The following SV2B variants were observed in gnomAD, a reference collection of about 807,000 sequenced individuals.
SV2B encodes solute carrier family 22 member B2.
Under a neutral mutation model 73.9 loss-of-function variants are expected in SV2B, and 41 were observed. That is an observed-to-expected ratio of 0.56 (90% CI 0.43 to 0.72). SV2B has a LOEUF of 0.72. Among genes scored for constraint, SV2B ranks in the 30% least tolerant of loss-of-function variants. SV2B has a pLI of 0.00. For synonymous variants in SV2B, 314 were observed against 314.2 expected, an observed-to-expected ratio of 1.00 and a Z score of 0.01; for missense variants, 764 against 857.8, an observed-to-expected ratio of 0.89 and a Z score of 1.37.
chr15:91,127,170 A>AGC (rs2042508582), intron 1 of SV2B, among the ~76,000 whole-genome samples: 2 of 152,368 alleles, frequency 1.3e-5, no homozygotes, highest in African/African-American at 4.8e-5. Flanking sequence ...ATGAATGTCA[A>AGC]GCTTCCAGCT....
intron 1 of SV2B, among the ~76,000 whole-genome samples, chr15:91,152,331 C>T (rs1273056681): frequency 2.6e-5 from 4 of 152,156 alleles, no homozygotes; most frequent in Non-Finnish European, 5.9e-5. Context: ...TTTGGAGGAG[C>T]TGGGTGGGAG....
Position 91,249,026 on chromosome 15 carries a change from A to T in SV2B, c.452-2793A>T, listed in dbSNP as rs116914961. On this transcript the variant is annotated intron_variant, in intron 2 of 12. Coordinates refer to ENST00000394232, the MANE Select transcript of SV2B (RefSeq NM_001323032.3). ...CACATACATGCAAACACCCATGTGC[A>T]CACACACAATCACACGTGCATGCAT... is the stretch of plus-strand genomic sequence containing the variant. Among the ~76,000 whole-genome samples, 67 of 151,612 alleles carry T rather than the reference A, an allele frequency of 4.4e-4. 1 individual carries two copies. The East Asian group carries it at 0.011, about 26-fold the overall frequency.
At chr15:91,248,284 A>G (rs561341553) in intron 2 of SV2B, among the ~76,000 whole-genome samples, 161 of 152,256 alleles carry the variant, frequency 1.1e-3, no homozygotes, top group African/African-American at 3.4e-3. Flanking sequence ...TCGTGCCACT[A>G]CACTCCAGCC....
At chr15:91,146,683 T>C (rs905568275) in intron 1 of SV2B, among the ~76,000 whole-genome samples, 14 of 152,174 alleles carry the variant, frequency 9.2e-5, no homozygotes, top group African/African-American at 3.1e-4. Context: ...GTATATTTTA[T>C]TTTTTTGACA....
chr15:91,251,524 A>G (rs575984558), intron 2 of SV2B, among the ~76,000 whole-genome samples: 10 of 152,288 alleles, frequency 6.6e-5, no homozygotes, highest in African/African-American at 2.2e-4. Context: ...AAAAATTACA[A>G]CATTTCCCTT....
rs56017302 is a variant in SV2B at position 91,123,219 on chromosome 15, G to A, written c.-392+22856G>A. ...AGCCTGGGAGTTCATTAAAGCTGCAGTGAGCCATGTTCATACCACTGCATT... is the reference window on the plus strand; with the variant it reads ...AGCCTGGGAGTTCATTAAAGCTGCAATGAGCCATGTTCATACCACTGCATT... On this transcript the variant is annotated intron_variant, in intron 1 of 12. Coordinates refer to ENST00000394232, the MANE Select transcript of SV2B (RefSeq NM_001323032.3). The surrounding 1 kb of genome is among the most constrained non-coding windows in gnomAD (Gnocchi z 4.7). 0.058 allele frequency among the ~76,000 whole-genome samples: 8,778 copies of A among 152,246 alleles called. 300 individuals carry two copies. The highest frequency in any genetic ancestry group is 0.11 in the South Asian group (529 of 4,824).
rs920238929 is a variant in SV2B, at chr15:91,132,277, A to G, written c.-392+31914A>G. On this transcript the variant is annotated intron_variant, in intron 1 of 12. Transcript: ENST00000394232. The surrounding 1 kb of genome is among the most constrained non-coding windows in gnomAD (Gnocchi z 4.6). ...GCTCACCTCATGTAAATGAAGTAGT[A>G]GCCCACAATCAGTCTGATTGGTTGC... is the stretch of plus-strand genomic sequence containing the variant. Among the ~76,000 whole-genome samples, 6 of 152,244 alleles carry G rather than the reference A, an allele frequency of 3.9e-5. No homozygotes were observed. The highest frequency in any genetic ancestry group is 5.9e-5 in the Non-Finnish European group (4 of 68,036).
At chr15:91,204,187 G>C (rs1405954881) in intron 1 of SV2B, among the ~76,000 whole-genome samples, 1 of 152,138 alleles carries the variant, frequency 6.6e-6, no homozygotes, top group South Asian at 2.1e-4. Context: ...TGTCCACCCG[G>C]TTCGCTTTTA....
At position 91,288,082 on chromosome 15, in the gene SV2B, C is replaced by T. The variant is rs1405906872; in HGVS notation, c.1709-1439C>T. 6.6e-6 allele frequency among the ~76,000 whole-genome samples: 1 copy of T among 152,082 alleles called. No individual in the cohort carries two copies. Among genetic ancestry groups the T allele is most frequent in the African/African-American group, 2.4e-5 (1 of 41,392 alleles). ...GGGGTTAGCGTGTAGAGGGTATGTA[C>T]AGAGCACATGTACAGAGGATAGCGC... On this transcript the variant is annotated intron_variant, in intron 11 of 12. Transcript: ENST00000394232. The surrounding 1 kb of genome is among the most constrained non-coding windows in gnomAD (Gnocchi z 5.8).
rs186640556 is a variant in SV2B at position 91,139,917 on chromosome 15, T to G, written c.-392+39554T>G. On this transcript the variant is annotated intron_variant, in intron 1 of 12. Transcript: ENST00000394232. The surrounding 1 kb of genome is among the most constrained non-coding windows in gnomAD (Gnocchi z 5.2). ...GATCCGGCCACTTTGTTCCTAGAGT[T>G]TGGTGAGAGTGACAGCCTGCGTCTC... Among the ~76,000 whole-genome samples the G allele has an allele frequency of 3.3e-5, 5 of 152,244 alleles. No homozygotes were observed. Among genetic ancestry groups the G allele is most frequent in the African/African-American group, 1.2e-4 (5 of 41,552 alleles).
chr15:91,204,067 C>G (rs2087234601), intron 1 of SV2B, among the ~76,000 whole-genome samples: 1 of 152,174 alleles, frequency 6.6e-6, no homozygotes, highest in Admixed American at 6.5e-5. Flanking sequence ...AGAGAAGTCT[C>G]TGTCAGATAT....
chr15:91,281,653 G>A lies in SV2B; in HGVS notation c.1374-75G>A. ...CTTGCACATCTCCTTTTTCTGCCTTGCTGTGTTTTCCATTTTGGTCTTAAG... is the reference window on the plus strand; with the variant it reads ...CTTGCACATCTCCTTTTTCTGCCTTACTGTGTTTTCCATTTTGGTCTTAAG... On this transcript the variant is annotated intron_variant, in intron 9 of 12. Transcript: ENST00000394232. The surrounding 1 kb of genome is among the most constrained non-coding windows in gnomAD (Gnocchi z 4.7). The A allele has an allele frequency of 1.3e-6, 2 of 1,493,182 alleles. No individual in the cohort carries two copies. The highest frequency in any genetic ancestry group is 9.0e-7 in the Non-Finnish European group (1 of 1,110,030). 92.5% of individuals were successfully genotyped at this position (1,493,182 alleles called of 1,614,324 possible).
chr15:91,156,334 G>A (rs1010351221), intron 1 of SV2B, among the ~76,000 whole-genome samples: 3 of 152,184 alleles, frequency 2.0e-5, no homozygotes, highest in African/African-American at 7.2e-5. Context: ...GGGTTCTCTT[G>A]TGCAGGGCCA....
chr15:91,238,726 T>C (rs1376056508), intron 2 of SV2B, among the ~76,000 whole-genome samples: 1 of 152,208 alleles, frequency 6.6e-6, no homozygotes, highest in Non-Finnish European at 1.5e-5. Flanking sequence ...CAGTGATCCC[T>C]GAGGCTAGAC....
At chr15:91,161,990 A>T (rs2043736163) in intron 1 of SV2B, among the ~76,000 whole-genome samples, 1 of 152,248 alleles carries the variant, frequency 6.6e-6, no homozygotes, top group African/African-American at 2.4e-5. Flanking sequence ...TCCACAGATG[A>T]CAATACAAGT....
At position 91,198,529 on chromosome 15, in the gene SV2B, A is replaced by T. The variant is rs757418176; in HGVS notation, c.-391-27344A>T. On this transcript the variant is annotated intron_variant, in intron 1 of 12. Transcript: ENST00000394232. Reference sequence around the variant, plus strand: ...TGTGTTTGGAGGTCTCCTGGAGGCAAATGAGCACATTTGTTAAAATGGAGT... The same window carrying T: ...TGTGTTTGGAGGTCTCCTGGAGGCATATGAGCACATTTGTTAAAATGGAGT... 1.1e-4 allele frequency among the ~76,000 whole-genome samples: 17 copies of T among 150,468 alleles called. No homozygotes were observed. The South Asian group carries it at 3.4e-3, about 30-fold the overall frequency.
At chr15:91,120,699 A>G (rs1165826684) in intron 1 of SV2B, among the ~76,000 whole-genome samples, 1 of 151,424 alleles carries the variant, frequency 6.6e-6, no homozygotes, top group Non-Finnish European at 1.5e-5. Flanking sequence ...CTGTAGTCAT[A>G]GCTACTTGGG....
intron 1 of SV2B, among the ~76,000 whole-genome samples, chr15:91,204,349 A>C (rs954663340): frequency 2.0e-5 from 3 of 152,126 alleles, no homozygotes; most frequent in African/African-American, 7.2e-5. Context: ...TCAATAGCCA[A>C]CTGCGGCTAG....
In SV2B at chr15:91,295,331, G is replaced by A. The variant is rs1452020534; in HGVS notation, c.*2779G>A. ...TTGTAGTACATCATCCTGAGGTCATGTAACAAGTAAACCCCAACCCAGCGT... is the reference window on the plus strand; with the variant it reads ...TTGTAGTACATCATCCTGAGGTCATATAACAAGTAAACCCCAACCCAGCGT... On this transcript the variant is annotated 3_prime_UTR_variant, in exon 13 of 13. Coordinates refer to ENST00000394232, the MANE Select transcript of SV2B (RefSeq NM_001323032.3). 1.3e-5 allele frequency: 2 copies of A among 152,162 alleles called. No individual in the cohort carries two copies. Among genetic ancestry groups the A allele is most frequent in the Non-Finnish European group, 2.9e-5 (2 of 68,026 alleles). 9.4% of individuals were successfully genotyped at this position (152,162 alleles called of 1,614,324 possible). A position where few individuals can be genotyped will look rare whatever the true frequency, so the allele number is the denominator to read the frequency against.
Sources: gnomAD v4.1 joint callset for allele counts (sites outside exome capture counted in the v4.1 genomes callset) on GRCh38, gnomAD v4.1.1 for gene constraint, Gnocchi (gnomAD v3.1) non-coding constraint, MANE v1.5 for transcripts, NCBI Gene and HGNC (gene_info 2026-07-23, HGNC 2026-07-21) for gene names.